The following UBE2G1 variants were observed in gnomAD, a reference collection of about 807,000 sequenced individuals.
The protein encoded by UBE2G1 is ubiquitin-conjugating enzyme E2 G1.
A neutral mutation model predicts 22.7 loss-of-function variants in UBE2G1; 5 were observed. That is an observed-to-expected ratio of 0.22 (90% confidence interval 0.12 to 0.46). The LOEUF (loss-of-function observed/expected upper bound fraction) is 0.46, where lower values mean the gene tolerates loss of function less well. UBE2G1 is among the 20% of genes least tolerant of loss of function. The pLI, the probability that UBE2G1 is intolerant of heterozygous loss-of-function variation, is 0.99. For missense variants in UBE2G1, 88 were observed against 203.9 expected (o/e 0.43, Z 3.46); for synonymous variants, 74 against 67.5 (o/e 1.10, Z -0.47).
intron 1 of UBE2G1, among the ~76,000 whole-genome samples, chr17:4,342,215 T>C (rs920646732): frequency 3.3e-5 from 5 of 152,072 alleles, no homozygotes; most frequent in African/African-American, 1.2e-4. Context: ...TTATCTCTCC[T>C]TGTCCTGCGT....
At chr17:4,345,388 C>T (rs1435963470) in intron 1 of UBE2G1, among the ~76,000 whole-genome samples, 1 of 152,122 alleles carries the variant, frequency 6.6e-6, no homozygotes, top group Non-Finnish European at 1.5e-5. Flanking sequence ...CAATATTGTT[C>T]CACTTTCATT....
intron 1 of UBE2G1, among the ~76,000 whole-genome samples, chr17:4,321,967 G>A (rs1271081770): frequency 6.6e-6 from 1 of 152,082 alleles, no homozygotes; most frequent in Non-Finnish European, 1.5e-5. Context: ...ATTTTGATTG[G>A]ACTAAGTGTG....
At chr17:4,298,379 T>C (rs1969135302) in intron 2 of UBE2G1, among the ~76,000 whole-genome samples, 1 of 152,078 alleles carries the variant, frequency 6.6e-6, no homozygotes, top group Admixed American at 6.6e-5. Context: ...CATAGAAAAA[T>C]GTCCAGAAAC....
intron 1 of UBE2G1, among the ~76,000 whole-genome samples, chr17:4,327,795 C>T (rs920145259): frequency 6.6e-6 from 1 of 152,118 alleles, no homozygotes; most frequent in African/African-American, 2.4e-5. Context: ...TCGACGTGGC[C>T]CACACCCAAA....
Position 4,358,468 on chromosome 17 carries a change from A to C in UBE2G1, c.46+7803T>G, listed in dbSNP as rs576986930. ...TTTTTTGAATTGACTTTTTTTTTTT[A>C]AACTGTTGAGGGTTCTTTAAATATT... On this transcript the variant is annotated intron_variant, in intron 1 of 5. Transcript: ENST00000396981. 1.5e-3 allele frequency among the ~76,000 whole-genome samples: 220 copies of C among 151,418 alleles called. 1 individual carries two copies. Among genetic ancestry groups the C allele is most frequent in the Admixed American group, 3.2e-3 (49 of 15,160 alleles).
intron 5 of UBE2G1, among the ~76,000 whole-genome samples, chr17:4,279,157 C>T (rs1028311179): frequency 6.6e-6 from 1 of 151,946 alleles, no homozygotes; most frequent in African/African-American, 2.4e-5. Flanking sequence ...CACCTGTAAT[C>T]CCAGCTACTT....
intron 1 of UBE2G1, among the ~76,000 whole-genome samples, chr17:4,359,913 T>C (rs1384427929): frequency 2.0e-5 from 3 of 150,966 alleles, no homozygotes; most frequent in Non-Finnish European, 4.4e-5. Context: ...CCCAATACTA[T>C]CTTGCACTAG....
rs1418557997 is a variant in UBE2G1 at position 4,269,379 on chromosome 17, G to C, written c.*3175C>G. The C allele has an allele frequency of 6.6e-6, 1 of 152,394 alleles. No homozygotes were observed. The highest frequency in any genetic ancestry group is 1.5e-5 in the Non-Finnish European group (1 of 68,110). The allele number at this position is 152,394 out of a possible 1,614,324, so 9.4% of individuals were successfully genotyped here. ...AGTTAAATACAATCAACAAATTACA[G>C]AACTAAAAAAACTGAAATGAAGCAA... On this transcript the variant is annotated 3_prime_UTR_variant, in exon 6 of 6. Transcript: ENST00000396981.
chr17:4,358,531 T>C (rs1360031702), intron 1 of UBE2G1, among the ~76,000 whole-genome samples: 1 of 152,194 alleles, frequency 6.6e-6, no homozygotes, highest in African/African-American at 2.4e-5. Flanking sequence ...GATTTGCAAA[T>C]GTTCTTCCAG....
intron 1 of UBE2G1, among the ~76,000 whole-genome samples, chr17:4,359,306 C>A (rs1426639714): frequency 6.6e-6 from 1 of 152,102 alleles, no homozygotes; most frequent in Non-Finnish European, 1.5e-5. Context: ...TAACATATCC[C>A]TAGCCAATAG....
At chr17:4,297,106 T>C (rs1382392748) in intron 2 of UBE2G1, among the ~76,000 whole-genome samples, 2 of 152,220 alleles carry the variant, frequency 1.3e-5, no homozygotes, top group Non-Finnish European at 2.9e-5. Context: ...AACCCTTCCA[T>C]CACTTCCCAG....
chr17:4,304,953 CTTTTTTT>C (rs554912028), intron 2 of UBE2G1, among the ~76,000 whole-genome samples: 1 of 137,136 alleles, frequency 7.3e-6, no homozygotes, highest in African/African-American at 2.7e-5. Flanking sequence ...TTTTTAAGAA[CTTTTTTT>C]TTTTTTTTTT....
chr17:4,296,451 T>C (rs8078117), intron 3 of UBE2G1, among the ~76,000 whole-genome samples: 9,730 of 152,064 alleles, frequency 0.064, 1,075 homozygotes, highest in African/African-American at 0.22. Context: ...TGAGTAGAGA[T>C]GGGGTTTCAC....
intron 2 of UBE2G1, among the ~76,000 whole-genome samples, chr17:4,297,016 A>G (rs1211171956): frequency 6.6e-6 from 1 of 152,252 alleles, no homozygotes; most frequent in Admixed American, 6.5e-5. Flanking sequence ...TAAACTTTCA[A>G]GAGAGCTGGT....
chr17:4,315,953 GC>G (rs1277901630), intron 1 of UBE2G1, among the ~76,000 whole-genome samples: 1 of 148,726 alleles, frequency 6.7e-6, no homozygotes, highest in Non-Finnish European at 1.5e-5. Context: ...GACTACAGGC[GC>G]CCACCACCAC....
chr17:4,304,232 C>G (rs1969222949), intron 2 of UBE2G1, among the ~76,000 whole-genome samples: 1 of 152,124 alleles, frequency 6.6e-6, no homozygotes, highest in Non-Finnish European at 1.5e-5. Context: ...CGTCTGAGCT[C>G]AAGCGATCCA....
At chr17:4,279,700 A>G (rs940041251) in intron 5 of UBE2G1, among the ~76,000 whole-genome samples, 1 of 151,416 alleles carries the variant, frequency 6.6e-6, no homozygotes, top group Non-Finnish European at 1.5e-5. Context: ...GCTTGAACCC[A>G]GGAGACGGAG....
In UBE2G1 at chr17:4,310,072, T is replaced by TA. The variant is rs1333134210; in HGVS notation, c.47-2950dup. On this transcript the variant is annotated intron_variant, in intron 1 of 5. Coordinates refer to ENST00000396981, the MANE Select transcript of UBE2G1 (RefSeq NM_003342.5). ...CTTCAGCCCCCAGCATGAATCTTCC[T>TA]AGGTCTAGATGCATGAATATTTAAC... Among the ~76,000 whole-genome samples the TA allele has an allele frequency of 3.3e-5, 5 of 152,214 alleles. No individual in the cohort carries two copies. The East Asian group carries it at 9.6e-4, about 29-fold the overall frequency.
intron 1 of UBE2G1, among the ~76,000 whole-genome samples, chr17:4,352,693 T>A (rs1002090135): frequency 6.6e-6 from 1 of 152,120 alleles, no homozygotes; most frequent in African/African-American, 2.4e-5. Flanking sequence ...GTGGCTGTAT[T>A]ATAGATAATA....
Sources: gnomAD v4.1 joint callset for allele counts (sites outside exome capture counted in the v4.1 genomes callset) on GRCh38, gnomAD v4.1.1 for gene constraint, MANE v1.5 for transcripts, NCBI Gene and HGNC (gene_info 2026-07-23, HGNC 2026-07-21) for gene names.